The following MAGI2 variants were observed in gnomAD, a reference collection of about 807,000 sequenced individuals.
MAGI2 encodes membrane-associated guanylate kinase, WW and PDZ domain-containing protein 2.
A neutral mutation model predicts 133.3 loss-of-function variants in MAGI2; 35 were observed. The observed-to-expected ratio is 0.26, with a 90% CI of 0.20 to 0.35. MAGI2 has a LOEUF of 0.35. MAGI2 is among the 10% of genes least tolerant of loss of function. MAGI2 has a pLI of 1.00. For synonymous variants in MAGI2, 729 were observed against 710.6 expected (o/e 1.03, Z -0.41); for missense variants, 1,636 against 1,863.4 (o/e 0.88, Z 2.25).
intron 1 of MAGI2, among the ~76,000 whole-genome samples, chr7:79,144,132 A>T (rs1254630224): frequency 6.6e-6 from 1 of 152,222 alleles, no homozygotes; most frequent in Admixed American, 6.5e-5. Context: ...AAATGTGTTC[A>T]TAAATGTAGG....
At chr7:78,390,279 T>G (rs17349903) in intron 6 of MAGI2, among the ~76,000 whole-genome samples, 71,421 of 151,978 alleles carry the variant, frequency 0.47, 17,760 homozygotes, top group Middle Eastern at 0.59. Flanking sequence ...CTCAAGAAAA[T>G]TATAGAAATG....
At chr7:78,686,653 G>A (rs1382847034) in intron 2 of MAGI2, among the ~76,000 whole-genome samples, 1 of 151,662 alleles carries the variant, frequency 6.6e-6, no homozygotes, top group Non-Finnish European at 1.5e-5. Context: ...CCATCATAAT[G>A]TGATCCGAGG....
chr7:79,214,393 CTCTCTCTCTCTCTCTATATATATATATA>C (rs1414354502), intron 1 of MAGI2, among the ~76,000 whole-genome samples: 2 of 91,794 alleles, frequency 2.2e-5, no homozygotes, highest in African/African-American at 4.6e-5. Context: ...CTCTCTCTCT[CTCTCTCTCTCTCTCTATATATATATATA>C]TATATATATA....
At chr7:79,444,804 A>G (rs551358038) in intron 1 of MAGI2, among the ~76,000 whole-genome samples, 1 of 152,240 alleles carries the variant, frequency 6.6e-6, no homozygotes, top group East Asian at 1.9e-4. Flanking sequence ...ACAGAATTGG[A>G]AAAAAACTAC....
At chr7:79,194,792 AAAG>A (rs2129551456) in intron 1 of MAGI2, among the ~76,000 whole-genome samples, 1 of 151,866 alleles carries the variant, frequency 6.6e-6, no homozygotes, top group South Asian at 2.1e-4. Context: ...CTACCTTAGA[AAAG>A]AAAAAAAAAA....
intron 2 of MAGI2, among the ~76,000 whole-genome samples, chr7:78,731,513 C>G (rs2151226075): frequency 6.6e-6 from 1 of 152,092 alleles, no homozygotes; most frequent in Admixed American, 6.5e-5. Flanking sequence ...CATTATAATC[C>G]CCAAATCCCT....
At chr7:79,186,161 C>A (rs529171952) in intron 1 of MAGI2, among the ~76,000 whole-genome samples, 86 of 144,156 alleles carry the variant, frequency 6.0e-4, no homozygotes, top group African/African-American at 2.0e-3. Context: ...TTCCCAAATA[C>A]TCTAGAGGCC....
rs531485387 is a variant in MAGI2, at chr7:78,605,022, T to C, written c.538+22098A>G. ...TTGCTCTCAGAGCAAAGCCAAGCCA[T>C]GGCTCCATGGACTTTGTATGCATGT... On this transcript the variant is annotated intron_variant, in intron 3 of 21. Coordinates refer to ENST00000354212, the MANE Select transcript of MAGI2 (RefSeq NM_012301.4). Among the ~76,000 whole-genome samples the C allele has an allele frequency of 2.0e-5, 3 of 152,258 alleles. No individual in the cohort carries two copies. In the South Asian group the frequency reaches 6.2e-4, roughly 32 times the overall value.
intron 2 of MAGI2, among the ~76,000 whole-genome samples, chr7:78,845,046 T>C (rs1368796063): frequency 6.6e-6 from 1 of 151,922 alleles, no homozygotes; most frequent in Non-Finnish European, 1.5e-5. Flanking sequence ...CTTGGTAGAT[T>C]ATTCAAAGTG....
At chr7:79,044,914 A>T (rs569355120) in intron 1 of MAGI2, among the ~76,000 whole-genome samples, 5 of 152,364 alleles carry the variant, frequency 3.3e-5, no homozygotes, top group Non-Finnish European at 7.3e-5. Context: ...ACTACACTGC[A>T]ATTCTAATCC....
At chr7:78,925,223 T>A (rs1251048272) in intron 2 of MAGI2, among the ~76,000 whole-genome samples, 1 of 152,064 alleles carries the variant, frequency 6.6e-6, no homozygotes, top group African/African-American at 2.4e-5. Flanking sequence ...TCACACTAAT[T>A]TTTCAATCCC....
intron 2 of MAGI2, among the ~76,000 whole-genome samples, chr7:78,913,426 A>G (rs779984231): frequency 6.6e-5 from 10 of 152,102 alleles, no homozygotes; most frequent in Non-Finnish European, 1.0e-4. Flanking sequence ...CCGTGATTGT[A>G]AGTTTCCTGA....
rs146529788 is a variant in MAGI2, at chr7:79,213,325, T to TACACAC, written c.302-206125_302-206120dup. Reference sequence around the variant, plus strand: ...GTGTATTTACACACACGTACACACGTACACACACACACACACACACACACA... The same window carrying TACACAC: ...GTGTATTTACACACACGTACACACGTACACACACACACACACACACACACACACACA... On this transcript the variant is annotated intron_variant, in intron 1 of 21. Coordinates refer to ENST00000354212, the MANE Select transcript of MAGI2 (RefSeq NM_012301.4). Among the ~76,000 whole-genome samples, 321 of 145,464 alleles carry TACACAC rather than the reference T, an allele frequency of 2.2e-3. 3 individuals carry two copies. Among genetic ancestry groups the TACACAC allele is most frequent in the African/African-American group, 6.6e-3 (256 of 38,806 alleles).
intron 10 of MAGI2, among the ~76,000 whole-genome samples, chr7:78,239,973 ATTTG>A (rs1790959257): frequency 6.6e-6 from 1 of 151,258 alleles, no homozygotes; most frequent in Non-Finnish European, 1.5e-5. Flanking sequence ...TTTTTTTTCT[ATTTG>A]TTTCCTAGAA....
chr7:78,451,531 G>T (rs942340004), intron 6 of MAGI2, among the ~76,000 whole-genome samples: 3 of 152,042 alleles, frequency 2.0e-5, no homozygotes, highest in Non-Finnish European at 2.9e-5. Flanking sequence ...ACCAGAGGCT[G>T]GTGCCTGCCT....
At chr7:78,239,633 A>G (rs995505805) in intron 10 of MAGI2, among the ~76,000 whole-genome samples, 1 of 152,238 alleles carries the variant, frequency 6.6e-6, no homozygotes, top group African/African-American at 2.4e-5. Context: ...AGATATACAA[A>G]TGGCCAACAA....
chr7:78,818,403 G>A (rs1789795013), intron 2 of MAGI2, among the ~76,000 whole-genome samples: 1 of 152,128 alleles, frequency 6.6e-6, no homozygotes, highest in Admixed American at 6.5e-5. Context: ...TTATTTCTGA[G>A]TATGAACTGC....
At chr7:78,564,397 C>T (rs893190750) in intron 3 of MAGI2, among the ~76,000 whole-genome samples, 23 of 152,198 alleles carry the variant, frequency 1.5e-4, no homozygotes, top group Non-Finnish European at 5.9e-5. Context: ...AATACTTGTA[C>T]ATTTTTGTGG....
intron 5 of MAGI2, among the ~76,000 whole-genome samples, chr7:78,498,735 A>C (rs1794354972): frequency 6.6e-6 from 1 of 152,098 alleles, no homozygotes; most frequent in South Asian, 2.1e-4. Flanking sequence ...AAGACAGATG[A>C]ATCACAAACT....
Sources: gnomAD v4.1 joint callset for allele counts (sites outside exome capture counted in the v4.1 genomes callset) on GRCh38, gnomAD v4.1.1 for gene constraint, MANE v1.5 for transcripts, NCBI Gene and HGNC (gene_info 2026-07-23, HGNC 2026-07-21) for gene names.